MAPKAP1: variants seen among roughly 807,000 people sequenced by gnomAD.
MAPKAP1 encodes target of rapamycin complex 2 subunit MAPKAP1.
In MAPKAP1, 20 loss-of-function variants were observed where a neutral mutation model predicts 65.7. The observed-to-expected ratio is 0.30, with a 90% CI of 0.21 to 0.44. MAPKAP1 has a LOEUF of 0.44. Ranked by LOEUF, MAPKAP1 falls within the 20% of genes least tolerant of loss-of-function variation. MAPKAP1 has a pLI of 1.00. For synonymous variants in MAPKAP1, 222 were observed against 244.3 expected (o/e 0.91, Z 0.85); for missense variants, 423 against 648.0 (o/e 0.65, Z 3.77).
intron 1 of MAPKAP1, among the ~76,000 whole-genome samples, chr9:125,689,007 TATC>T (rs1835073580): frequency 1.3e-5 from 2 of 152,136 alleles, no homozygotes; most frequent in Admixed American, 6.5e-5. Context: ...TACAGAGACT[TATC>T]AGTTCATTCA....
chr9:125,588,652 C>T (rs1831862906), intron 4 of MAPKAP1, among the ~76,000 whole-genome samples: 1 of 152,198 alleles, frequency 6.6e-6, no homozygotes, highest in African/African-American at 2.4e-5. Context: ...ACTATTGTAA[C>T]AGTTCCCAAA....
chr9:125,671,035 G>T (rs1279586425), intron 2 of MAPKAP1, among the ~76,000 whole-genome samples: 1 of 152,002 alleles, frequency 6.6e-6, no homozygotes, highest in Non-Finnish European at 1.5e-5. Context: ...ACATTCAATT[G>T]CAATTAATAA....
At chr9:125,534,605 G>A (rs762146421) in intron 7 of MAPKAP1, among the ~76,000 whole-genome samples, 5 of 152,256 alleles carry the variant, frequency 3.3e-5, no homozygotes, top group Admixed American at 2.0e-4. Flanking sequence ...TCTGCTTCAT[G>A]TTCTTTGGCC....
chr9:125,495,161 G>A (rs970718394), intron 8 of MAPKAP1, among the ~76,000 whole-genome samples: 7 of 152,122 alleles, frequency 4.6e-5, no homozygotes, highest in Non-Finnish European at 5.9e-5. Flanking sequence ...TGGCATTTTT[G>A]ACAATTTACA....
chr9:125,603,912 C>G (rs1254851604), intron 4 of MAPKAP1, among the ~76,000 whole-genome samples: 1 of 152,058 alleles, frequency 6.6e-6, no homozygotes, highest in Non-Finnish European at 1.5e-5. Flanking sequence ...CAGCCATTTA[C>G]CATTATGCCA....
intron 9 of MAPKAP1, chr9:125,471,316 C>G (rs1291704668): frequency 6.6e-6 from 1 of 152,502 alleles, no homozygotes; most frequent in African/African-American, 2.4e-5. Flanking sequence ...TCGGAGCCCT[C>G]GGTAGTCTTC....
At chr9:125,700,408 G>A (rs957745119) in intron 1 of MAPKAP1, among the ~76,000 whole-genome samples, 11 of 152,118 alleles carry the variant, frequency 7.2e-5, no homozygotes, top group Non-Finnish European at 1.2e-4. Flanking sequence ...GTATACTCAC[G>A]TATAGGATAT....
intron 4 of MAPKAP1, among the ~76,000 whole-genome samples, chr9:125,655,319 A>G (rs963614843): frequency 1.3e-5 from 2 of 152,204 alleles, no homozygotes; most frequent in African/African-American, 4.8e-5. Flanking sequence ...GGGAGGAATC[A>G]ATCTGGAAAT....
At chr9:125,487,615 TAA>T (rs35665829) in intron 8 of MAPKAP1, among the ~76,000 whole-genome samples, 10 of 126,808 alleles carry the variant, frequency 7.9e-5, no homozygotes, top group East Asian at 2.5e-4. Flanking sequence ...TGCCAATTAC[TAA>T]AAAAAAAAAA....
intron 1 of MAPKAP1, among the ~76,000 whole-genome samples, chr9:125,676,494 A>T (rs2131811083): frequency 6.6e-6 from 1 of 152,246 alleles, no homozygotes; most frequent in Admixed American, 6.5e-5. Context: ...CCCTGAGAAC[A>T]TTACGCTAAG....
intron 9 of MAPKAP1, among the ~76,000 whole-genome samples, chr9:125,473,799 A>T (rs78906964): frequency 0.03 from 4,569 of 152,304 alleles, 85 homozygotes; most frequent in South Asian, 0.057. Flanking sequence ...CCTATCTTAC[A>T]TTTAAAGAGG....
intron 4 of MAPKAP1, among the ~76,000 whole-genome samples, chr9:125,609,459 A>G (rs1832536274): frequency 6.6e-6 from 1 of 152,214 alleles, no homozygotes; most frequent in Non-Finnish European, 1.5e-5. Context: ...GCTTTGTTTC[A>G]CCTGCCAAGC....
At chr9:125,533,474 G>C (rs1268826176) in intron 7 of MAPKAP1, among the ~76,000 whole-genome samples, 1 of 151,490 alleles carries the variant, frequency 6.6e-6, no homozygotes, top group African/African-American at 2.4e-5. Flanking sequence ...TTTTGAGACA[G>C]AGTCTTACTC....
At chr9:125,648,952 A>G (rs1288208967) in intron 4 of MAPKAP1, among the ~76,000 whole-genome samples, 1 of 152,064 alleles carries the variant, frequency 6.6e-6, no homozygotes, top group East Asian at 1.9e-4. Flanking sequence ...AAAAAAGAAA[A>G]GAAAATAAGA....
chr9:125,562,971 T>C (rs1309191823), intron 5 of MAPKAP1, among the ~76,000 whole-genome samples: 1 of 152,160 alleles, frequency 6.6e-6, no homozygotes, highest in East Asian at 1.9e-4. Context: ...CAATCACCTA[T>C]GGAAATATGA....
At chr9:125,563,730 T>TATTA (rs398113893) in intron 5 of MAPKAP1, among the ~76,000 whole-genome samples, 1 of 151,352 alleles carries the variant, frequency 6.6e-6, no homozygotes, top group Admixed American at 6.6e-5. Context: ...TTATTATTAT[T>TATTA]TTTGAGATGG....
At chr9:125,543,899 C>T (rs1468389085) in intron 6 of MAPKAP1, among the ~76,000 whole-genome samples, 1 of 152,152 alleles carries the variant, frequency 6.6e-6, no homozygotes, top group East Asian at 1.9e-4. Flanking sequence ...TCATACTAAG[C>T]TCATGGAGCC....
At position 125,441,690 on chromosome 9, in the gene MAPKAP1, G is replaced by C. The variant is rs1417395539; in HGVS notation, c.1444-2678C>G. Among the ~76,000 whole-genome samples, 4 of 152,140 alleles carry C rather than the reference G, an allele frequency of 2.6e-5. No homozygotes were observed. The East Asian group carries it at 7.7e-4, about 29-fold the overall frequency. On this transcript the variant is annotated intron_variant, in intron 11 of 11. Transcript: ENST00000265960. ...TAGAGTCTAAACTGACTCCTCAAGA[G>C]CTTCTGATGGCAACAACATTTCTCC...
chr9:125,615,398 T>G (rs997139516), intron 4 of MAPKAP1, among the ~76,000 whole-genome samples: 1 of 151,962 alleles, frequency 6.6e-6, no homozygotes, highest in African/African-American at 2.4e-5. Flanking sequence ...TTTAAAAATG[T>G]ATATATGGAA....
Sources: allele counts gnomAD v4.1 joint callset (sites outside exome capture counted in the v4.1 genomes callset), GRCh38; gene constraint gnomAD v4.1.1; transcripts MANE v1.5; gene names NCBI Gene and HGNC (gene_info 2026-07-23, HGNC 2026-07-21).